TMEM178B: variants seen among roughly 807,000 people sequenced by gnomAD.
TMEM178B encodes transmembrane protein 178B.
Under a neutral mutation model 31.0 loss-of-function variants are expected in TMEM178B, and 5 were observed. The observed-to-expected ratio is 0.16, with a 90% CI of 0.08 to 0.34. TMEM178B has a LOEUF of 0.34. Among genes scored for constraint, TMEM178B ranks in the 10% least tolerant of loss-of-function variants. TMEM178B has a pLI of 1.00. For synonymous variants in TMEM178B, 164 were observed against 164.0 expected (o/e 1.00, Z 0.00); for missense variants, 275 against 400.3 (o/e 0.69, Z 2.67).
At chr7:141,253,529 T>A (rs2116344078) in intron 2 of TMEM178B, among the ~76,000 whole-genome samples, 1 of 149,490 alleles carries the variant, frequency 6.7e-6, no homozygotes, top group Admixed American at 6.7e-5. Context: ...TCATTTTAGA[T>A]ACACATTTTC....
the TMEM178B span, among the ~76,000 whole-genome samples, chr7:141,491,770 G>GT: frequency 2.6e-5 from 4 of 152,214 alleles, no homozygotes; most frequent in South Asian, 8.3e-4. Flanking sequence ...TTGTATATCG[G>GT]TTTTTTCCCT....
intron 2 of TMEM178B, among the ~76,000 whole-genome samples, chr7:141,260,940 C>T (rs909184762): frequency 8.6e-5 from 13 of 152,042 alleles, no homozygotes; most frequent in African/African-American, 3.1e-4. Context: ...AGGCTTAAAA[C>T]AGTTAATAAA....
chr7:141,307,770 T>C lies in TMEM178B; in HGVS notation c.496+95066T>C, dbSNP rs138372438. On this transcript the variant is annotated intron_variant, in intron 2 of 3. Coordinates refer to ENST00000565468, the MANE Select transcript of TMEM178B (RefSeq NM_001195278.2). ...CCAACCCATGTTCAGTACATGTTGATGGTAGGGGAAGCTAACTTCCTATAT... is the reference window on the plus strand; with the variant it reads ...CCAACCCATGTTCAGTACATGTTGACGGTAGGGGAAGCTAACTTCCTATAT... 5.0e-4 allele frequency among the ~76,000 whole-genome samples: 76 copies of C among 152,344 alleles called. No individual in the cohort carries two copies. The East Asian group carries it at 0.014, about 28-fold the overall frequency.
At chr7:141,258,009 T>C (rs1244207116) in intron 2 of TMEM178B, among the ~76,000 whole-genome samples, 24 of 151,892 alleles carry the variant, frequency 1.6e-4, no homozygotes, top group Admixed American at 1.6e-3. Flanking sequence ...TATTTTATTG[T>C]GTTTTTTTAG....
rs1277350766 is a variant in TMEM178B, at chr7:141,131,208, A to G, written c.382+56516A>G. On this transcript the variant is annotated intron_variant, in intron 1 of 3. Coordinates refer to ENST00000565468, the MANE Select transcript of TMEM178B (RefSeq NM_001195278.2). The stretch of plus-strand genomic sequence containing the variant: ...CCTGATATTATTGACCTAGAATGCT[A>G]ACAGTAGCTACCAAAACTTTGTACA... Among the ~76,000 whole-genome samples the G allele has an allele frequency of 2.0e-5, 3 of 152,324 alleles. No individual in the cohort carries two copies. The East Asian group carries it at 5.8e-4, about 29-fold the overall frequency.
chr7:141,098,892 C>A (rs1042949155), intron 1 of TMEM178B, among the ~76,000 whole-genome samples: 5 of 152,194 alleles, frequency 3.3e-5, no homozygotes, highest in Non-Finnish European at 7.3e-5. Flanking sequence ...TTTGCCTTCA[C>A]CTTTCCGATG....
intron 2 of TMEM178B, among the ~76,000 whole-genome samples, chr7:141,244,813 G>T (rs536752331): frequency 1.3e-5 from 2 of 152,036 alleles, no homozygotes; most frequent in African/African-American, 4.8e-5. Context: ...TTGCCCTCGG[G>T]GGGAAGAAGA....
chr7:141,088,868 TA>T (rs1361511230), intron 1 of TMEM178B, among the ~76,000 whole-genome samples: 5 of 152,248 alleles, frequency 3.3e-5, no homozygotes, highest in African/African-American at 1.2e-4. Flanking sequence ...ATATGCATTA[TA>T]AAACAATTCA....
At chr7:141,421,801 A>G (rs1236958458) in intron 2 of TMEM178B, among the ~76,000 whole-genome samples, 1 of 152,018 alleles carries the variant, frequency 6.6e-6, no homozygotes, top group African/African-American at 2.4e-5. Flanking sequence ...GCATAAGGTC[A>G]TCTGTAAACA....
intron 2 of TMEM178B, among the ~76,000 whole-genome samples, chr7:141,398,021 A>C (rs893899829): frequency 1.3e-5 from 2 of 152,114 alleles, no homozygotes; most frequent in African/African-American, 4.8e-5. Context: ...TCATTTTCAG[A>C]GTCAGGAGAT....
the TMEM178B span, among the ~76,000 whole-genome samples, chr7:141,492,020 T>A: frequency 8.5e-5 from 13 of 152,314 alleles, no homozygotes; most frequent in Admixed American, 8.5e-4. Flanking sequence ...AATGGCCTGC[T>A]GTTGTACCAA....
At position 141,478,949 on chromosome 7, in the gene TMEM178B, T is replaced by A. The variant is rs1420595255; in HGVS notation, c.*8163T>A. The A allele has an allele frequency of 6.6e-6, 1 of 152,178 alleles. No individual in the cohort carries two copies. The highest frequency in any genetic ancestry group is 6.5e-5 in the Admixed American group (1 of 15,276). 9.4% of individuals were successfully genotyped at this position (152,178 alleles called of 1,614,324 possible). ...GCCTAGAGTAGAAAGCACAGAGCTA[T>A]GTCGAGGCTGCTGTCTCAGCCTCTG... On this transcript the variant is annotated 3_prime_UTR_variant, in exon 4 of 4. Coordinates refer to ENST00000565468, the MANE Select transcript of TMEM178B (RefSeq NM_001195278.2).
chr7:141,267,071 G>T (rs1189697910), intron 2 of TMEM178B, among the ~76,000 whole-genome samples: 1 of 152,182 alleles, frequency 6.6e-6, no homozygotes, highest in Non-Finnish European at 1.5e-5. Flanking sequence ...ACCTGAAGAG[G>T]TGAGTATGGA....
rs1796343856 is a variant in TMEM178B, at chr7:141,171,136, C to T, written c.383-41455C>T. ...TTTGAATCTTCTAGTCTACTCTTAG[C>T]TCTTCAGGGTAGGCCTGTTGTTTAT... On this transcript the variant is annotated intron_variant, in intron 1 of 3. Transcript: ENST00000565468. This position sits in a 1 kb window ranked among gnomAD's most constrained non-coding sequence, Gnocchi z 4.3. 6.6e-6 allele frequency among the ~76,000 whole-genome samples: 1 copy of T among 151,902 alleles called. No homozygotes were observed. The highest frequency in any genetic ancestry group is 6.6e-5 in the Admixed American group (1 of 15,236).
chr7:141,174,147 G>A (rs936212074), intron 1 of TMEM178B, among the ~76,000 whole-genome samples: 1 of 151,758 alleles, frequency 6.6e-6, no homozygotes, highest in Admixed American at 6.6e-5. Flanking sequence ...AGTGTGTGAC[G>A]TTCCCCTCCC....
intron 2 of TMEM178B, among the ~76,000 whole-genome samples, chr7:141,365,204 TG>T (rs1563162755): frequency 6.6e-6 from 1 of 152,232 alleles, no homozygotes; most frequent in African/African-American, 2.4e-5. Context: ...CCAACCACAT[TG>T]CTGTCTTCAA....
intron 2 of TMEM178B, among the ~76,000 whole-genome samples, chr7:141,386,345 G>A (rs1315032459): frequency 1.3e-5 from 2 of 152,208 alleles, no homozygotes; most frequent in Admixed American, 1.3e-4. Flanking sequence ...AAATATGGGA[G>A]AAGTCAGAAG....
rs1554478744 is a variant in TMEM178B at position 141,349,995 on chromosome 7, C to CCATCCATG, written c.497-87610_497-87609insCCATGCAT. Among the ~76,000 whole-genome samples the CCATCCATG allele has an allele frequency of 5.3e-3, 798 of 151,448 alleles. 8 individuals carry two copies. Among genetic ancestry groups the CCATCCATG allele is most frequent in the African/African-American group, 0.018 (752 of 41,158 alleles). On this transcript the variant is annotated intron_variant, in intron 2 of 3. Coordinates refer to ENST00000565468, the MANE Select transcript of TMEM178B (RefSeq NM_001195278.2). ...TCCATCCATCCATCCATCCATCCAT[C>CCATCCATG]CATGCATGCATCCATCCATGCATCT...
Position 141,166,361 on chromosome 7 carries a change from G to A in TMEM178B, c.383-46230G>A, listed in dbSNP as rs115869879. ...GGAACAGTCAACTTTCCTCTGTGTC[G>A]GAATCCCAATGGAGGAATCCTTTTG... On this transcript the variant is annotated intron_variant, in intron 1 of 3. Coordinates refer to ENST00000565468, the MANE Select transcript of TMEM178B (RefSeq NM_001195278.2). Among the ~76,000 whole-genome samples the A allele has an allele frequency of 6.4e-3, 971 of 152,262 alleles. 15 individuals carry two copies. Among genetic ancestry groups the A allele is most frequent in the African/African-American group, 0.022 (900 of 41,548 alleles).
Sources: gnomAD v4.1 joint callset for allele counts (sites outside exome capture counted in the v4.1 genomes callset) on GRCh38, gnomAD v4.1.1 for gene constraint, Gnocchi (gnomAD v3.1) non-coding constraint, MANE v1.5 for transcripts, NCBI Gene and HGNC (gene_info 2026-07-23, HGNC 2026-07-21) for gene names.